The following TNRC6B variants were observed in gnomAD, a reference collection of about 807,000 sequenced individuals.
TNRC6B encodes trinucleotide repeat containing adaptor 6B.
A neutral mutation model predicts 203.6 loss-of-function variants in TNRC6B; 52 were observed. That is an observed-to-expected ratio of 0.26 (90% CI 0.20 to 0.32). The LOEUF (loss-of-function observed/expected upper bound fraction) is 0.32. TNRC6B is among the 10% of genes least tolerant of loss of function. The pLI, the probability that TNRC6B is intolerant of heterozygous loss-of-function variation, is 1.00. For missense variants in TNRC6B, 1,923 were observed against 2,286.2 expected, an observed-to-expected ratio of 0.84 and a Z score of 3.24; for synonymous variants, 838 against 845.7, an observed-to-expected ratio of 0.99 and a Z score of 0.16.
At chr22:40,079,275 C>G (rs981634054) in intron 1 of TNRC6B, among the ~76,000 whole-genome samples, 1 of 152,070 alleles carries the variant, frequency 6.6e-6, no homozygotes, top group Non-Finnish European at 1.5e-5. Context: ...CCTGGAAGCT[C>G]TAAGATGCTT....
At chr22:40,148,377 G>T (rs531290479) in intron 3 of TNRC6B, among the ~76,000 whole-genome samples, 277 of 149,144 alleles carry the variant, frequency 1.9e-3, no homozygotes, top group African/African-American at 6.7e-3. Context: ...TCCGCCTCCC[G>T]GGTTCAAGCA....
At chr22:40,260,793 G>A (rs1232785492) in intron 3 of TNRC6B, among the ~76,000 whole-genome samples, 3 of 152,118 alleles carry the variant, frequency 2.0e-5, no homozygotes, top group East Asian at 1.9e-4. Context: ...TTCCCTCTCC[G>A]CCTTAATTAA....
intron 1 of TNRC6B, among the ~76,000 whole-genome samples, chr22:40,050,705 CT>C (rs2067737062): frequency 6.6e-6 from 1 of 152,156 alleles, no homozygotes; most frequent in African/African-American, 2.4e-5. Context: ...CTCAGTGTAT[CT>C]CCAGAGCCTG....
At position 40,266,339 on chromosome 22, in the gene TNRC6B, C is replaced by G; in HGVS notation, c.2109C>G (p.Asn703Lys). 6.2e-7 allele frequency: 1 copy of G among 1,607,024 alleles called. No individual in the cohort carries two copies. Among genetic ancestry groups the G allele is most frequent in the South Asian group, 1.1e-5 (1 of 89,886 alleles). Residue 703 changes from asparagine (N) to lysine (K), a missense_variant, in exon 5 of 23, where the codon AAC becomes AAG. Transcript: ENST00000454349. ...CAGGAGGCTGGAATGACTACAAGAA[C>G]AACAACTCTTCCAACTGGGGAGGAG... ...KNTGGWNDYK[N>K]NNSSNWGGGR...
intron 3 of TNRC6B, among the ~76,000 whole-genome samples, chr22:40,260,060 C>T (rs898378488): frequency 5.3e-5 from 8 of 152,090 alleles, no homozygotes; most frequent in South Asian, 2.1e-4. Flanking sequence ...CGGCAGAGTG[C>T]GGTTTCACGG....
At position 40,321,202 on chromosome 22, in the gene TNRC6B, C is replaced by T. The variant is rs747099397; in HGVS notation, c.5087C>T (p.Ala1696Val). 2.5e-6 allele frequency: 4 copies of T among 1,613,940 alleles called. No individual in the cohort carries two copies. The highest frequency in any genetic ancestry group is 1.7e-5 in the Admixed American group (1 of 60,028). The part of the protein sequence containing the change: ...ALIRYSTKQE[A>V]AKAQTALHMC... ...ATCCGATACAGCACCAAACAGGAGGCGGCCAAGGCCCAAACTGCACTGCAC... is the reference window on the plus strand; with the variant it reads ...ATCCGATACAGCACCAAACAGGAGGTGGCCAAGGCCCAAACTGCACTGCAC... Residue 1696 changes from alanine to valine, a missense_variant, in exon 22 of 23, where the codon GCG (alanine) becomes GTG (valine). By Grantham distance (64) the Ala-to-Val change is moderately conservative. Coordinates refer to ENST00000454349, the MANE Select transcript of TNRC6B (RefSeq NM_001162501.2).
chr22:40,270,514 T>TTC (rs1173188487), intron 6 of TNRC6B, among the ~76,000 whole-genome samples: 1 of 152,046 alleles, frequency 6.6e-6, no homozygotes, highest in Non-Finnish European at 1.5e-5. Context: ...GAGATGGGGT[T>TTC]TCTCCATGTT....
chr22:40,157,064 C>G (rs2068824569), intron 4 of TNRC6B, among the ~76,000 whole-genome samples: 1 of 151,978 alleles, frequency 6.6e-6, no homozygotes, highest in South Asian at 2.1e-4. Flanking sequence ...TGTGAGGCAT[C>G]GTGCCCAGCC....
chr22:40,127,753 C>T (rs2068506617), intron 3 of TNRC6B, among the ~76,000 whole-genome samples: 1 of 152,040 alleles, frequency 6.6e-6, no homozygotes, highest in South Asian at 2.1e-4. Context: ...GCCTGCAGTC[C>T]CAGCTACTCA....
chr22:40,218,431 A>G (rs941759148), intron 1 of TNRC6B, among the ~76,000 whole-genome samples: 3 of 148,850 alleles, frequency 2.0e-5, no homozygotes, highest in Admixed American at 6.9e-5. Flanking sequence ...GGCTCAGGCA[A>G]TCTTCCTACC....
intron 1 of TNRC6B, among the ~76,000 whole-genome samples, chr22:40,208,114 AAAAAAAAAAAAAAAAAAAC>A (rs775097160): frequency 2.9e-5 from 4 of 135,664 alleles, no homozygotes; most frequent in Non-Finnish European, 6.5e-5. Flanking sequence ...TCCATCTCAA[AAAAAAAAAAAAAAAAAAAC>A]AAAAAAACAA....
chr22:40,055,341 A>C (rs1478649568), intron 1 of TNRC6B, among the ~76,000 whole-genome samples: 1 of 152,154 alleles, frequency 6.6e-6, no homozygotes, highest in Non-Finnish European at 1.5e-5. Context: ...CACTCACACT[A>C]AGTTGTGGAG....
At chr22:40,180,019 TA>T (rs1250637341) in intron 1 of TNRC6B, among the ~76,000 whole-genome samples, 1 of 152,228 alleles carries the variant, frequency 6.6e-6, no homozygotes, top group Non-Finnish European at 1.5e-5. Flanking sequence ...TTTGATGATA[TA>T]AATTCAGCTT....
At chr22:40,165,989 G>A (rs2068916390) in intron 4 of TNRC6B, among the ~76,000 whole-genome samples, 1 of 152,042 alleles carries the variant, frequency 6.6e-6, no homozygotes, top group East Asian at 1.9e-4. Flanking sequence ...GTTTTGTTTT[G>A]TTTTTGGGCA....
intron 1 of TNRC6B, among the ~76,000 whole-genome samples, chr22:40,227,181 A>G (rs976843839): frequency 2.0e-5 from 3 of 149,064 alleles, no homozygotes; most frequent in African/African-American, 7.4e-5. Context: ...CCTGACCTCA[A>G]GTGATCCACT....
In TNRC6B at chr22:40,280,020, T is replaced by C; in HGVS notation, c.3288T>C (p.Asp1096=). ...GAAGCCTTTCAGATAAAAAATTTGA[T>C]GTGGACAAGCGAGCGATGAATCTCG... The part of the protein sequence containing the change: ...SVGSLSDKKF[D]VDKRAMNLGD... Residue 1096 remains aspartate (D), a synonymous_variant, in exon 10 of 23, where the codon GAT becomes GAC. Coordinates refer to ENST00000454349, the MANE Select transcript of TNRC6B (RefSeq NM_001162501.2). 4 of 1,613,908 alleles carry C rather than the reference T, an allele frequency of 2.5e-6. No homozygotes were observed. Among genetic ancestry groups the C allele is most frequent in the Non-Finnish European group, 2.5e-6 (3 of 1,179,850 alleles).
At chr22:40,124,321 C>CTTTTTTTT (rs545893898) in intron 2 of TNRC6B, among the ~76,000 whole-genome samples, 1 of 134,066 alleles carries the variant, frequency 7.5e-6, no homozygotes. Flanking sequence ...ATCTTTTTAC[C>CTTTTTTTT]TTTTTTTTTT....
At chr22:40,236,938 G>A (rs2069955848) in intron 1 of TNRC6B, among the ~76,000 whole-genome samples, 1 of 152,146 alleles carries the variant, frequency 6.6e-6, no homozygotes, top group African/African-American at 2.4e-5. Context: ...GTCGAGGCGG[G>A]CGGATTATCT....
Position 40,246,052 on chromosome 22 carries a change from G to T in TNRC6B, c.43G>T (p.Asp15Tyr), listed in dbSNP as rs1474415885. The change falls in exon 2 of 23, where the codon GAC becomes TAC. Residue 15 changes from aspartate to tyrosine, a missense_variant. Physicochemically the swap from Asp to Tyr is radical, Grantham distance 160. This residue lies in a region of TNRC6B where 111 missense variants were observed against 155.3 expected (regional missense o/e 0.71). Coordinates refer to ENST00000454349, the MANE Select transcript of TNRC6B (RefSeq NM_001162501.2). ...EQEREEQLME[D>Y]KKRKKEDKKK... ...AGAAAGGGAAGAACAGTTAATGGAA[G>T]ACAAGAAAAGGAAGAAAGAGGATAA... The T allele has an allele frequency of 2.6e-6, 4 of 1,539,646 alleles. No homozygotes were observed. Among genetic ancestry groups the T allele is most frequent in the Non-Finnish European group, 8.8e-7 (1 of 1,140,954 alleles).
Sources: allele counts gnomAD v4.1 joint callset (sites outside exome capture counted in the v4.1 genomes callset), GRCh38; gene constraint gnomAD v4.1.1; regional missense constraint gnomAD v4.1.1; transcripts MANE v1.5; gene names NCBI Gene and HGNC (gene_info 2026-07-23, HGNC 2026-07-21).